Variants in FBXL18 observed in about 807,000 individuals in gnomAD.
FBXL18 encodes the protein F-box and leucine rich repeat protein 18.
A neutral mutation model predicts 46.0 loss-of-function variants in FBXL18; 36 were observed. That is an observed-to-expected ratio of 0.78 (90% CI 0.60 to 1.03). FBXL18 has a LOEUF of 1.03. Ranked by LOEUF, FBXL18 falls within the 50% of genes least tolerant of loss-of-function variation. The pLI is 0.00. For missense variants in FBXL18, 977 were observed against 1,004.1 expected (o/e 0.97, Z 0.36); for synonymous variants, 557 against 465.3 (o/e 1.20, Z -2.54).
chr7:5,501,246 G>A lies in FBXL18; in HGVS notation c.1023C>T (p.Asp341=). 6.2e-7 allele frequency: 1 copy of A among 1,613,402 alleles called. No homozygotes were observed. The part of the protein sequence containing the change: ...LIQQVINGGK[D]LRSLASLNLS... ...GGTTCAAGCTGGCCAGGCTCCGCAG[G>A]TCCTTCCCGCCGTTGATGACCTGCT... is the stretch of plus-strand genomic sequence containing the variant. Residue 341 remains aspartate, a synonymous_variant, in exon 3 of 5, where the codon GAC becomes GAT. Coordinates refer to ENST00000382368, the MANE Select transcript of FBXL18 (RefSeq NM_024963.6).
At chr7:5,463,016 T>C (rs1192856387) in intron 4 of FBXL18, among the ~76,000 whole-genome samples, 2 of 111,372 alleles carry the variant, frequency 1.8e-5, no homozygotes, top group Non-Finnish European at 3.7e-5. Flanking sequence ...CACACACACA[T>C]GCATAAATGA....
rs1479344646 is a variant in FBXL18, at chr7:5,477,340, C to G, written c.*4435G>C. 6.6e-6 allele frequency among the ~76,000 whole-genome samples: 1 copy of G among 152,154 alleles called. No individual in the cohort carries two copies. The highest frequency in any genetic ancestry group is 1.5e-5 in the Non-Finnish European group (1 of 68,036). On this transcript the variant is annotated 3_prime_UTR_variant, in exon 5 of 5. Transcript: ENST00000382368. This position sits in a 1 kb window ranked among gnomAD's most constrained non-coding sequence, Gnocchi z 4.4. ...CAGGAAGTGGCCGACGTCTCCTCTGCCTTTGGTTTAGTGGCCCCACACTTC... is the reference window on the plus strand; with the variant it reads ...CAGGAAGTGGCCGACGTCTCCTCTGGCTTTGGTTTAGTGGCCCCACACTTC...
At chr7:5,470,739 T>C (rs1357593953) in intron 4 of FBXL18, among the ~76,000 whole-genome samples, 1 of 148,982 alleles carries the variant, frequency 6.7e-6, no homozygotes, top group Non-Finnish European at 1.5e-5. Flanking sequence ...AGATGTCCAC[T>C]TCCTGAGCTT....
At position 5,501,906 on chromosome 7, in the gene FBXL18, C is replaced by T. The variant is rs1341158546; in HGVS notation, c.363G>A (p.Leu121=). ...GGCAGCCCGAGAGGTTCACCTTCAC[C>T]AGGCTGCGGCAGCGGGCCACGTGTT... The part of the protein sequence containing the change: ...TVEHVARCRS[L]VKVNLSGCHL... Residue 121 remains leucine, a synonymous_variant, in exon 3 of 5, where the codon CTG becomes CTA. Coordinates refer to ENST00000382368, the MANE Select transcript of FBXL18 (RefSeq NM_024963.6). The T allele has an allele frequency of 6.2e-7, 1 of 1,602,046 alleles. No homozygotes were observed. Among genetic ancestry groups the T allele is most frequent in the East Asian group, 2.3e-5 (1 of 44,428 alleles).
chr7:5,471,812 C>A (rs569324884), downstream of FBXL18, among the ~76,000 whole-genome samples: 38 of 152,354 alleles, frequency 2.5e-4, no homozygotes, highest in African/African-American at 8.9e-4. Context: ...TAGTGCCCCC[C>A]ACAAAACAGG....
At chr7:5,510,718 G>A (rs542917853) in intron 1 of FBXL18, among the ~76,000 whole-genome samples, 1 of 151,140 alleles carries the variant, frequency 6.6e-6, no homozygotes, top group African/African-American at 2.4e-5. Context: ...TAGGTAACTG[G>A]CTGGAGGTCA....
rs534859863 is a variant in FBXL18 at position 5,456,466 on chromosome 7, A to G, written c.2001-8623T>C. Among the ~76,000 whole-genome samples, 32 of 152,334 alleles carry G rather than the reference A, an allele frequency of 2.1e-4. No individual in the cohort carries two copies. The East Asian group carries it at 6.0e-3, about 28-fold the overall frequency. On this transcript the variant is annotated intron_variant and NMD_transcript_variant, in intron 4 of 6. Transcript: ENST00000415009. ...ATTACAAACCCTGGGAAGTGGGGACAGGCGAGGCCCAAGGGGCCCTGAGAG... is the reference window on the plus strand; with the variant it reads ...ATTACAAACCCTGGGAAGTGGGGACGGGCGAGGCCCAAGGGGCCCTGAGAG...
At chr7:5,472,445 C>T (rs1049306736), downstream of FBXL18, among the ~76,000 whole-genome samples, 2 of 152,172 alleles carry the variant, frequency 1.3e-5, no homozygotes, top group African/African-American at 2.4e-5. Flanking sequence ...TTTCTGGAGA[C>T]GCTTGCTCTT....
intron 1 of FBXL18, among the ~76,000 whole-genome samples, chr7:5,508,261 T>C (rs1290118190): frequency 7.5e-6 from 1 of 133,686 alleles, no homozygotes; most frequent in African/African-American, 2.8e-5. Flanking sequence ...CAAGACTCCA[T>C]CTCAAAAAAA....
intron 4 of FBXL18, among the ~76,000 whole-genome samples, chr7:5,456,545 G>A (rs909914332): frequency 1.3e-5 from 2 of 152,010 alleles, no homozygotes; most frequent in African/African-American, 4.8e-5. Flanking sequence ...ATAAGCAGAA[G>A]CAGCAAACTC....
chr7:5,466,315 A>C (rs1783340296), intron 4 of FBXL18, among the ~76,000 whole-genome samples: 1 of 152,182 alleles, frequency 6.6e-6, no homozygotes, highest in Admixed American at 6.5e-5. Context: ...AGTCCGAGAT[A>C]GGTCTCCCTG....
chr7:5,462,276 G>A (rs1296935749), intron 4 of FBXL18, among the ~76,000 whole-genome samples: 1 of 152,110 alleles, frequency 6.6e-6, no homozygotes, highest in Admixed American at 6.5e-5. Flanking sequence ...ACGCCGTGAG[G>A]TGGGCCCATC....
At chr7:5,483,610 G>C (rs1168555483) in intron 4 of FBXL18, among the ~76,000 whole-genome samples, 1 of 151,848 alleles carries the variant, frequency 6.6e-6, no homozygotes, top group Non-Finnish European at 1.5e-5. Context: ...CGGGCATGGT[G>C]GTGCATGCCT....
intron 3 of FBXL18, among the ~76,000 whole-genome samples, chr7:5,497,777 G>C (rs560061264): frequency 6.6e-6 from 1 of 152,238 alleles, no homozygotes; most frequent in South Asian, 2.1e-4. Flanking sequence ...TGGGAAATGG[G>C]AATGATCAAG....
At chr7:5,482,500 C>T (rs1046396723) in intron 4 of FBXL18, among the ~76,000 whole-genome samples, 1 of 151,166 alleles carries the variant, frequency 6.6e-6, no homozygotes, top group African/African-American at 2.4e-5. Context: ...GGCGACCCCC[C>T]CCCAATGCCC....
intron 4 of FBXL18, among the ~76,000 whole-genome samples, chr7:5,466,739 G>A (rs915092651): frequency 1.3e-5 from 2 of 152,112 alleles, no homozygotes; most frequent in East Asian, 1.9e-4. Context: ...GCCGTGCCAC[G>A]ACCCAGCCAA....
At chr7:5,503,207 C>A (rs1388495435) in intron 2 of FBXL18, among the ~76,000 whole-genome samples, 1 of 152,216 alleles carries the variant, frequency 6.6e-6, no homozygotes, top group African/African-American at 2.4e-5. Flanking sequence ...ATAGCGAGAC[C>A]CCATATCTAC....
intron 4 of FBXL18, among the ~76,000 whole-genome samples, chr7:5,463,725 T>TATATATA (rs1562672270): frequency 1.7e-5 from 1 of 58,704 alleles, no homozygotes; most frequent in Admixed American, 2.2e-4. Flanking sequence ...TATTTATTTA[T>TATATATA]TTATTTTTTT....
At chr7:5,470,470 C>T (rs376715061) in intron 4 of FBXL18, among the ~76,000 whole-genome samples, 1 of 152,194 alleles carries the variant, frequency 6.6e-6, no homozygotes, top group East Asian at 1.9e-4. Flanking sequence ...TGCCACGAAA[C>T]CCGAGAGCCA....
Sources: gnomAD v4.1 joint callset for allele counts (sites outside exome capture counted in the v4.1 genomes callset) on GRCh38, gnomAD v4.1.1 for gene constraint, Gnocchi (gnomAD v3.1) non-coding constraint, MANE v1.5 for transcripts, NCBI Gene and HGNC (gene_info 2026-07-23, HGNC 2026-07-21) for gene names.